The following TGFA variants were observed in gnomAD, a reference collection of about 807,000 sequenced individuals.
TGFA encodes the protein protransforming growth factor alpha.
In TGFA, 12 loss-of-function variants were observed where a neutral mutation model predicts 21.7. That is an observed-to-expected ratio of 0.55 (90% CI 0.35 to 0.90). The LOEUF (loss-of-function observed/expected upper bound fraction) is 0.90. Among genes scored for constraint, TGFA ranks in the 40% least tolerant of loss-of-function variants. The probability of loss-of-function intolerance (pLI) is 0.01; values close to 1 mark genes in which losing one functional copy is unlikely to be tolerated. For missense variants in TGFA, 178 were observed against 210.8 expected (o/e 0.84, Z 0.96); for synonymous variants, 79 against 88.1 (o/e 0.90, Z 0.58).
chr2:70,516,923 C>T (rs1322595266), intron 1 of TGFA, among the ~76,000 whole-genome samples: 1 of 152,208 alleles, frequency 6.6e-6, no homozygotes, highest in Admixed American at 6.5e-5. Flanking sequence ...CCTATCCTGT[C>T]AGTCAGGGTG....
intron 2 of TGFA, among the ~76,000 whole-genome samples, chr2:70,499,306 G>A (rs979034114): frequency 5.3e-5 from 8 of 152,164 alleles, no homozygotes; most frequent in African/African-American, 1.7e-4. Context: ...GACAAGTAAC[G>A]CATAACTAGG....
At chr2:70,476,928 G>T (rs1190621319) in intron 2 of TGFA, among the ~76,000 whole-genome samples, 3 of 152,162 alleles carry the variant, frequency 2.0e-5, no homozygotes, top group Non-Finnish European at 4.4e-5. Flanking sequence ...CTTCAATCAA[G>T]ATTATATTCA....
chr2:70,481,650 A>G (rs1416691255), intron 2 of TGFA, among the ~76,000 whole-genome samples: 5 of 152,196 alleles, frequency 3.3e-5, no homozygotes, highest in East Asian at 1.9e-4. Flanking sequence ...TGTGCGACCA[A>G]TAGAATATGA....
intron 1 of TGFA, chr2:70,553,200 C>A: frequency 6.5e-7 from 1 of 1,536,194 alleles, no homozygotes. Context: ...AGCTCAAGAG[C>A]TCTGAAAAGA....
chr2:70,474,286 T>G (rs781831089), intron 2 of TGFA, among the ~76,000 whole-genome samples: 1 of 152,256 alleles, frequency 6.6e-6, no homozygotes, highest in Non-Finnish European at 1.5e-5. Flanking sequence ...AGCTGGAATG[T>G]AGTAGAACTG....
At chr2:70,529,703 G>C (rs1241093064) in intron 1 of TGFA, among the ~76,000 whole-genome samples, 2 of 152,134 alleles carry the variant, frequency 1.3e-5, no homozygotes, top group Non-Finnish European at 2.9e-5. Context: ...GAGCACTAGG[G>C]GCCTGGACTT....
intron 2 of TGFA, among the ~76,000 whole-genome samples, chr2:70,472,520 A>G (rs1670785741): frequency 6.6e-6 from 1 of 152,164 alleles, no homozygotes; most frequent in African/African-American, 2.4e-5. Flanking sequence ...CCCTACTTAC[A>G]GGAAGAGGGT....
chr2:70,512,294 G>A (rs1672127821), intron 2 of TGFA, among the ~76,000 whole-genome samples: 1 of 152,100 alleles, frequency 6.6e-6, no homozygotes, highest in South Asian at 2.1e-4. Context: ...CTAAGGCCCT[G>A]GGGTGCAAGT....
Position 70,484,237 on chromosome 2 carries a change from G to A in TGFA, c.95-18501C>T, listed in dbSNP as rs1671207805. On this transcript the variant is annotated intron_variant, in intron 2 of 5. Transcript: ENST00000295400. Reference sequence around the variant, plus strand: ...CTTCTGAGTAATACATAACCAACAAGTATGTAAAGAATTCTTCAGGTGTTC... The same window carrying A: ...CTTCTGAGTAATACATAACCAACAAATATGTAAAGAATTCTTCAGGTGTTC... Among the ~76,000 whole-genome samples the A allele has an allele frequency of 2.6e-5, 4 of 152,194 alleles. No individual in the cohort carries two copies. The South Asian group carries it at 8.3e-4, about 32-fold the overall frequency.
intron 1 of TGFA, among the ~76,000 whole-genome samples, chr2:70,547,236 A>G (rs943219983): frequency 5.3e-5 from 8 of 152,228 alleles, no homozygotes; most frequent in Non-Finnish European, 4.4e-5. Flanking sequence ...TCGTTACAAT[A>G]AATGTAGTCA....
intron 3 of TGFA, among the ~76,000 whole-genome samples, chr2:70,459,890 G>A (rs2103680386): frequency 6.6e-6 from 1 of 152,306 alleles, no homozygotes; most frequent in Admixed American, 6.5e-5. Context: ...ACTTCCCCAA[G>A]GTGGGAGGCA....
chr2:70,537,474 G>A (rs1673007289), intron 1 of TGFA, among the ~76,000 whole-genome samples: 1 of 152,174 alleles, frequency 6.6e-6, no homozygotes, highest in Non-Finnish European at 1.5e-5. Flanking sequence ...CAAACAATTA[G>A]CTAACTTGTG....
rs1670035745 is a variant in TGFA, at chr2:70,450,978, C to T, written c.476-112G>A. ...GGCAGAGCCAATGTCACCAAGTTCTCTCGGGCAGTTAGGCCCGAGTCCAAA... is the reference window on the plus strand; with the variant it reads ...GGCAGAGCCAATGTCACCAAGTTCTTTCGGGCAGTTAGGCCCGAGTCCAAA... On this transcript the variant is annotated intron_variant, in intron 5 of 5. Transcript: ENST00000295400. 22 of 1,359,182 alleles carry T rather than the reference C, an allele frequency of 1.6e-5. No individual in the cohort carries two copies. In the South Asian group the frequency reaches 2.2e-4, roughly 14 times the overall value. The allele number at this position is 1,359,182 out of a possible 1,614,324, so 84.2% of individuals were successfully genotyped here. A position where few individuals can be genotyped will look rare whatever the true frequency, so the allele number is the denominator to read the frequency against.
intron 2 of TGFA, among the ~76,000 whole-genome samples, chr2:70,504,463 T>TATATATATATATATATATATAC (rs1224115401): frequency 4.1e-5 from 2 of 48,962 alleles, no homozygotes; most frequent in African/African-American, 2.0e-4. Flanking sequence ...TATATATATA[T>TATATATATATATATATATATAC]ACACACATAC....
intron 1 of TGFA, among the ~76,000 whole-genome samples, chr2:70,540,099 C>T (rs1331205433): frequency 6.6e-6 from 1 of 152,140 alleles, no homozygotes; most frequent in Non-Finnish European, 1.5e-5. Flanking sequence ...ACCCAGTGCC[C>T]ACCAGTCTCT....
chr2:70,482,451 C>T (rs1671153761), intron 2 of TGFA, among the ~76,000 whole-genome samples: 1 of 152,120 alleles, frequency 6.6e-6, no homozygotes, highest in African/African-American at 2.4e-5. Context: ...GTAGGAAAAC[C>T]ACCTCCCATG....
At chr2:70,462,352 G>A (rs567986233) in intron 3 of TGFA, among the ~76,000 whole-genome samples, 2 of 152,368 alleles carry the variant, frequency 1.3e-5, no homozygotes, top group East Asian at 3.9e-4. Context: ...AGAGGGGTCT[G>A]CAGAGGACCC....
intron 3 of TGFA, among the ~76,000 whole-genome samples, chr2:70,460,419 C>T (rs1030374624): frequency 6.6e-6 from 1 of 151,866 alleles, no homozygotes; most frequent in East Asian, 1.9e-4. Context: ...TAATATTAGA[C>T]TTAATTATGC....
rs139309984 is a variant in TGFA, at chr2:70,528,370, C to T, written c.41-13458G>A. On this transcript the variant is annotated intron_variant, in intron 1 of 5. Coordinates refer to ENST00000295400, the MANE Select transcript of TGFA (RefSeq NM_003236.4). Reference sequence around the variant, plus strand: ...AGCTTCGGTCAGTAGCTGATCTCGCCGGGCTGGGCTGCCCTGTACCCCAAG... The same window carrying T: ...AGCTTCGGTCAGTAGCTGATCTCGCTGGGCTGGGCTGCCCTGTACCCCAAG... Among the ~76,000 whole-genome samples the T allele has an allele frequency of 1.7e-3, 264 of 152,220 alleles. 2 individuals carry two copies. The highest frequency in any genetic ancestry group is 7.7e-3 in the East Asian group (40 of 5,186).
Sources: gnomAD v4.1 joint callset for allele counts (sites outside exome capture counted in the v4.1 genomes callset) on GRCh38, gnomAD v4.1.1 for gene constraint, MANE v1.5 for transcripts, NCBI Gene and HGNC (gene_info 2026-07-23, HGNC 2026-07-21) for gene names.